Variants in ZPLD1 observed in about 807,000 individuals in gnomAD.
ZPLD1 encodes zona pellucida like domain containing 1.
A neutral mutation model predicts 47.2 loss-of-function variants in ZPLD1; 34 were observed. The observed-to-expected ratio is 0.72, with a 90% CI of 0.55 to 0.96. The LOEUF is 0.96. Among genes scored for constraint, ZPLD1 ranks in the 40% least tolerant of loss-of-function variants. ZPLD1 has a pLI of 0.00. For synonymous variants in ZPLD1, 176 were observed against 186.2 expected (o/e 0.95, Z 0.45); for missense variants, 512 against 505.8 (o/e 1.01, Z -0.12).
chr3:102,431,768 A>G (rs530364679), upstream of ZPLD1, among the ~76,000 whole-genome samples: 2 of 152,164 alleles, frequency 1.3e-5, no homozygotes, highest in African/African-American at 4.8e-5. Context: ...AATTAGCTGG[A>G]CGTGGTGGCG....
intron 7 of ZPLD1, among the ~76,000 whole-genome samples, chr3:102,414,008 T>C (rs1291219100): frequency 9.2e-5 from 14 of 151,822 alleles, no homozygotes; most frequent in Non-Finnish European, 1.5e-4. Flanking sequence ...ATTGCTGCCT[T>C]GAGGAGAGGA....
chr3:102,388,507 A>G (rs1159392531), intron 6 of ZPLD1, among the ~76,000 whole-genome samples: 1 of 149,996 alleles, frequency 6.7e-6, no homozygotes, highest in Non-Finnish European at 1.5e-5. Flanking sequence ...TGTATATAAT[A>G]CTAATTTATC....
At chr3:102,465,545 G>C (rs956092887) in intron 8 of ZPLD1, among the ~76,000 whole-genome samples, 50 of 152,000 alleles carry the variant, frequency 3.3e-4, no homozygotes, top group African/African-American at 1.1e-3. Context: ...GGCTCACAGT[G>C]GTTTTTTATG....
At chr3:102,403,470 T>G (rs753495012) in intron 7 of ZPLD1, among the ~76,000 whole-genome samples, 1 of 151,976 alleles carries the variant, frequency 6.6e-6, no homozygotes, top group African/African-American at 2.4e-5. Flanking sequence ...GGAAGAATCT[T>G]CAGTCCCATG....
chr3:102,435,224 A>G, intron 1 of ZPLD1, 70 bp downstream of exon 1: 1 of 1,554,948 alleles, frequency 6.4e-7, no homozygotes, highest in Non-Finnish European at 8.9e-7. Context: ...GTTGAACTAT[A>G]AAGAAGGCTT....
intron 10 of ZPLD1, among the ~76,000 whole-genome samples, chr3:102,475,461 G>A (rs1007515501): frequency 2.0e-5 from 3 of 152,060 alleles, no homozygotes; most frequent in East Asian, 3.8e-4. Context: ...GCAATTAAGT[G>A]TGATTTCTAA....
upstream of ZPLD1, chr3:102,434,887 T>C (rs2107317376): frequency 2.0e-6 from 1 of 498,406 alleles, no homozygotes; most frequent in Non-Finnish European, 3.6e-6. Flanking sequence ...AATCAGGTTC[T>C]ACATTCTGAA....
intron 7 of ZPLD1, among the ~76,000 whole-genome samples, chr3:102,411,918 T>C (rs1041376920): frequency 2.0e-5 from 3 of 151,720 alleles, no homozygotes; most frequent in Non-Finnish European, 4.4e-5. Context: ...CTAGGGAATG[T>C]TTTAAGAAAG....
rs1333770749 is a variant in ZPLD1 at position 102,477,054 on chromosome 3, A to G, written c.1072+13A>G. 2 of 1,613,398 alleles carry G rather than the reference A, an allele frequency of 1.2e-6. No homozygotes were observed. The highest frequency in any genetic ancestry group is 1.7e-6 in the Non-Finnish European group (2 of 1,179,466). On this transcript the variant is annotated intron_variant, in intron 11 of 11. Transcript: ENST00000466937. ...AATTCGCAACTTGGTAAGATAATTA[A>G]CATATTTTGCAATGTTTTTTACATT...
chr3:102,429,416 G>A (rs751839783), intron 8 of ZPLD1, among the ~76,000 whole-genome samples: 8 of 152,098 alleles, frequency 5.3e-5, no homozygotes, highest in Non-Finnish European at 1.2e-4. Flanking sequence ...GATTTAAAAT[G>A]TTATCTGACG....
intron 4 of ZPLD1, among the ~76,000 whole-genome samples, chr3:102,454,275 G>A (rs1354040390): frequency 3.3e-5 from 5 of 152,094 alleles, no homozygotes; most frequent in African/African-American, 4.8e-5. Flanking sequence ...TATTAAAAAC[G>A]TTTATTCAAC....
intron 3 of ZPLD1, among the ~76,000 whole-genome samples, chr3:102,452,582 T>C (rs766082061): frequency 9.2e-5 from 14 of 152,190 alleles, no homozygotes; most frequent in Non-Finnish European, 1.9e-4. Flanking sequence ...GCTCTAGGTC[T>C]GAATTTCCTC....
At chr3:102,417,444 G>A (rs1419971812) in intron 7 of ZPLD1, among the ~76,000 whole-genome samples, 2 of 151,862 alleles carry the variant, frequency 1.3e-5, no homozygotes, top group East Asian at 3.9e-4. Context: ...GGAATGCTTA[G>A]ATGACTTCCA....
intron 8 of ZPLD1, among the ~76,000 whole-genome samples, chr3:102,465,399 T>G (rs903804704): frequency 1.3e-5 from 2 of 152,190 alleles, no homozygotes; most frequent in African/African-American, 4.8e-5. Context: ...CTATTGGTAT[T>G]TCTATCTTTG....
chr3:102,455,871 G>GT (rs1439200160), intron 4 of ZPLD1, among the ~76,000 whole-genome samples: 2 of 152,106 alleles, frequency 1.3e-5, no homozygotes, highest in Non-Finnish European at 2.9e-5. Flanking sequence ...TATTAACAGG[G>GT]TTTTTTTCAG....
In ZPLD1 at chr3:102,469,865, C is replaced by T. The variant is rs375186818; in HGVS notation, c.934-529C>T. Among the ~76,000 whole-genome samples the T allele has an allele frequency of 3.9e-5, 6 of 152,336 alleles. No individual in the cohort carries two copies. The East Asian group carries it at 9.6e-4, about 24-fold the overall frequency. On this transcript the variant is annotated intron_variant, in intron 9 of 11. Transcript: ENST00000466937. ...AAAAAAAATTCTATTCTGACCGGCT[C>T]TCTAGGGCCACATCATTATTAACCT...
chr3:102,464,122 T>C, intron 7 of ZPLD1, 49 bp from the exon 8 acceptor site: 1 of 1,336,962 alleles, frequency 7.5e-7, no homozygotes, highest in Non-Finnish European at 1.1e-6. Flanking sequence ...GTAACTAATA[T>C]CCAAAAGGAA....
At chr3:102,435,228 A>G in intron 1 of ZPLD1, 74 bp downstream of exon 1, 1 of 1,541,946 alleles carries the variant, frequency 6.5e-7, no homozygotes, top group South Asian at 1.1e-5. Context: ...AACTATAAAG[A>G]AGGCTTGAAA....
chr3:102,443,908 A>G (rs997672518), intron 3 of ZPLD1, among the ~76,000 whole-genome samples: 1 of 152,218 alleles, frequency 6.6e-6, no homozygotes, highest in Non-Finnish European at 1.5e-5. Flanking sequence ...TTGGTCTCCA[A>G]GTTGTCAAGA....
Sources: allele counts gnomAD v4.1 joint callset (sites outside exome capture counted in the v4.1 genomes callset), GRCh38; gene constraint gnomAD v4.1.1; transcripts MANE v1.5; gene names NCBI Gene and HGNC (gene_info 2026-07-23, HGNC 2026-07-21).